NLGN4Y: variants seen among roughly 807,000 people sequenced by gnomAD.
NLGN4Y encodes the protein neuroligin-4, Y-linked.
A neutral mutation model predicts 8.4 loss-of-function variants in NLGN4Y; 4 were observed. The ratio of observed to expected loss-of-function variants is 0.48; its 90% CI spans 0.23 to 1.09. The LOEUF is 1.09. Among genes scored for constraint, NLGN4Y ranks in the 50% least tolerant of loss-of-function variants. The probability of loss-of-function intolerance (pLI) is 0.19; values close to 1 mark genes in which losing one functional copy is unlikely to be tolerated. For missense variants in NLGN4Y, 90 were observed against 192.3 expected, an observed-to-expected ratio of 0.47 and a Z score of 3.15; for synonymous variants, 35 against 75.6, an observed-to-expected ratio of 0.46 and a Z score of 2.78.
intron 2 of NLGN4Y, among the ~76,000 whole-genome samples, chrY:14,655,104 T>G: frequency 3.0e-5 from 1 of 33,214 alleles, no homozygotes; most frequent in African/African-American, 1.2e-4. Flanking sequence ...TACACTGCTT[T>G]GTTGTTACCC....
At chrY:14,593,076 C>T (rs1034755773) in intron 1 of NLGN4Y, among the ~76,000 whole-genome samples, 16 of 33,301 alleles carry the variant, frequency 4.8e-4, no homozygotes, top group Middle Eastern at 0.014. Flanking sequence ...CCTGAGTTAT[C>T]GTGGCTTTAA....
chrY:14,825,181 G>A (rs746203939), intron 5 of NLGN4Y, among the ~76,000 whole-genome samples: 1 of 31,989 alleles, frequency 3.1e-5, no homozygotes, highest in African/African-American at 1.2e-4. Context: ...TAGGAATAGT[G>A]TCTCTCTCCC....
intron 2 of NLGN4Y, among the ~76,000 whole-genome samples, chrY:14,711,241 C>A (rs2080898179): frequency 3.1e-5 from 1 of 32,664 alleles, no homozygotes; most frequent in Non-Finnish European, 7.5e-5. Context: ...TTTCAGAGAG[C>A]AGTGGTAGAG....
intron 4 of NLGN4Y, among the ~76,000 whole-genome samples, 194 bp downstream of exon 4, chrY:14,723,463 T>G (rs1042574519): frequency 5.9e-5 from 2 of 33,875 alleles, no homozygotes; most frequent in African/African-American, 1.1e-4. Context: ...TCTTATTGTT[T>G]TATTATCATT....
intron 2 of NLGN4Y, among the ~76,000 whole-genome samples, chrY:14,629,614 C>T (rs2080541121): frequency 3.0e-5 from 1 of 33,767 alleles, no homozygotes; most frequent in African/African-American, 1.2e-4. Flanking sequence ...ACTTGCTTTA[C>T]GTGGTGAGTG....
intron 4 of NLGN4Y, among the ~76,000 whole-genome samples, chrY:14,755,355 T>C: frequency 3.0e-5 from 1 of 33,876 alleles, no homozygotes; most frequent in Non-Finnish European, 7.3e-5. Flanking sequence ...TTCAGGCCTT[T>C]CTGCTGGCTC....
intron 1 of NLGN4Y, among the ~76,000 whole-genome samples, chrY:14,586,743 G>T (rs2080343241): frequency 3.1e-5 from 1 of 32,295 alleles, no homozygotes; most frequent in Non-Finnish European, 7.5e-5. Context: ...CAGGAGAATC[G>T]CTTGAACCAG....
intron 2 of NLGN4Y, among the ~76,000 whole-genome samples, chrY:14,627,044 G>T: frequency 3.2e-5 from 1 of 31,065 alleles, no homozygotes; most frequent in African/African-American, 1.3e-4. Flanking sequence ...AATTAGCCGG[G>T]TATGGTGGCA....
chrY:14,709,569 C>T, intron 2 of NLGN4Y, among the ~76,000 whole-genome samples: 3 of 32,903 alleles, frequency 9.1e-5, no homozygotes, highest in Non-Finnish European at 1.5e-4. Context: ...AAAAATTAGC[C>T]GGGAATGGTG....
chrY:14,551,913 A>G (rs1049519480), intron 1 of NLGN4Y, among the ~76,000 whole-genome samples: 3 of 33,632 alleles, frequency 8.9e-5, no homozygotes, highest in African/African-American at 2.3e-4. Flanking sequence ...CTAGCAGTAA[A>G]CAAGAAACAA....
intron 2 of NLGN4Y, among the ~76,000 whole-genome samples, chrY:14,674,709 T>C (rs770681776): frequency 9.4e-5 from 3 of 31,888 alleles, no homozygotes; most frequent in Non-Finnish European, 1.5e-4. Flanking sequence ...TCTGAATATA[T>C]TGACTTGATT....
At chrY:14,697,343 AAGATAGAT>A in intron 2 of NLGN4Y, among the ~76,000 whole-genome samples, 39 of 31,749 alleles carry the variant, frequency 1.2e-3, no homozygotes, top group African/African-American at 4.8e-3. Context: ...GATAGATAGA[AAGATAGAT>A]AGATAGATAG....
intron 2 of NLGN4Y, among the ~76,000 whole-genome samples, chrY:14,703,823 T>C: frequency 3.0e-5 from 1 of 33,140 alleles, no homozygotes; most frequent in African/African-American, 1.2e-4. Context: ...TTTGTTTGTA[T>C]CCTCTTTTAT....
At chrY:14,578,731 C>A in intron 1 of NLGN4Y, among the ~76,000 whole-genome samples, 1 of 33,234 alleles carries the variant, frequency 3.0e-5, no homozygotes, top group Non-Finnish European at 7.4e-5. Context: ...GCCATCACCT[C>A]CCGCCAGGCA....
At chrY:14,599,052 AAATT>A (rs2150497300) in intron 1 of NLGN4Y, among the ~76,000 whole-genome samples, 1 of 28,006 alleles carries the variant, frequency 3.6e-5, no homozygotes, top group Admixed American at 3.7e-4. Context: ...AAATATATAT[AAATT>A]ATGTATATGA....
intron 2 of NLGN4Y, among the ~76,000 whole-genome samples, chrY:14,627,446 G>A: frequency 2.9e-5 from 1 of 34,253 alleles, no homozygotes; most frequent in Admixed American, 2.5e-4. Context: ...CCCACAGGGA[G>A]GTGGCTGAGG....
chrY:14,688,861 A>G (rs2080800545), intron 2 of NLGN4Y, among the ~76,000 whole-genome samples: 1 of 28,675 alleles, frequency 3.5e-5, no homozygotes, highest in Non-Finnish European at 8.1e-5. Context: ...TATAATATAT[A>G]TGATAGGAGG....
Position 14,580,968 on chromosome Y carries a change from T to A in NLGN4Y, c.-111-41041T>A. On this transcript the variant is annotated intron_variant, in intron 1 of 6. Coordinates refer to ENST00000684976, the MANE Select transcript of NLGN4Y (RefSeq NM_001365588.1). ...CTATGTTCTCAGCTATTCAGGAGGCTAAGGTAGGAGGATCACTTGAGCCTT... is the reference window on the plus strand; with the variant it reads ...CTATGTTCTCAGCTATTCAGGAGGCAAAGGTAGGAGGATCACTTGAGCCTT... 1.1e-4 allele frequency among the ~76,000 whole-genome samples: 3 copies of A among 28,362 alleles called. No individual in the cohort carries two copies. In the South Asian group the frequency reaches 2.5e-3, roughly 24 times the overall value. The allele number at this position is 28,362 out of a possible 37,273, so 76.1% of individuals were successfully genotyped here.
At chrY:14,732,928 A>G in intron 4 of NLGN4Y, among the ~76,000 whole-genome samples, 10 of 33,362 alleles carry the variant, frequency 3.0e-4, no homozygotes, top group African/African-American at 1.1e-3. Context: ...AAATGTTACC[A>G]AATATTCAAA....
Sources: gnomAD v4.1 joint callset for allele counts (sites outside exome capture counted in the v4.1 genomes callset) on GRCh38, gnomAD v4.1.1 for gene constraint, MANE v1.5 for transcripts, NCBI Gene and HGNC (gene_info 2026-07-23, HGNC 2026-07-21) for gene names.